The following CHD7 variants were observed in gnomAD, a reference collection of about 807,000 sequenced individuals.
CHD7 encodes the protein chromodomain helicase DNA binding protein 7.
Under a neutral mutation model 307.3 loss-of-function variants are expected in CHD7, and 24 were observed. That is an observed-to-expected ratio of 0.08 (90% CI 0.06 to 0.11). The LOEUF is 0.11. CHD7 is among the 10% of genes least tolerant of loss of function. CHD7 has a pLI of 1.00. For synonymous variants in CHD7, 1,363 were observed against 1,349.9 expected, an observed-to-expected ratio of 1.01 and a Z score of -0.21; for missense variants, 3,106 against 3,727.1, an observed-to-expected ratio of 0.83 and a Z score of 4.34.
chr8:60,765,913 G>C (rs1460456754), intron 2 of CHD7, among the ~76,000 whole-genome samples: 1 of 152,234 alleles, frequency 6.6e-6, no homozygotes. Flanking sequence ...ACTTAAGGGA[G>C]AACATAGAGG....
chr8:60,752,379 A>G (rs900303713), intron 2 of CHD7, among the ~76,000 whole-genome samples: 35 of 152,200 alleles, frequency 2.3e-4, no homozygotes, highest in Admixed American at 2.2e-3. Flanking sequence ...TAATCTATTC[A>G]TAGACTGGCT....
chr8:60,801,661 A>G, intron 6 of CHD7, 68 bp downstream of exon 6: 3 of 1,013,038 alleles, frequency 3.0e-6, no homozygotes, highest in South Asian at 1.6e-5. Flanking sequence ...TTGGCTTTGT[A>G]ATTTTCTTTT....
chr8:60,747,861 C>T (rs1019837652), intron 2 of CHD7, among the ~76,000 whole-genome samples: 9 of 152,292 alleles, frequency 5.9e-5, no homozygotes, highest in African/African-American at 1.9e-4. Flanking sequence ...CATATGCCTT[C>T]CTGGTTAGAG....
At chr8:60,800,733 G>A (rs1167280212) in intron 5 of CHD7, among the ~76,000 whole-genome samples, 1 of 152,202 alleles carries the variant, frequency 6.6e-6, no homozygotes, top group Non-Finnish European at 1.5e-5. Context: ...ATATAAGACT[G>A]TGATATGTAA....
chr8:60,848,915 TC>T, intron 24 of CHD7, 135 bp from the exon 25 acceptor site: 1 of 738,644 alleles, frequency 1.4e-6, no homozygotes, highest in Non-Finnish European at 2.4e-6. Flanking sequence ...TCATGCCCTT[TC>T]TTTTAACCTT....
chr8:60,856,675 T>C lies in CHD7; in HGVS notation c.7395T>C (p.Phe2465=). 6.2e-7 allele frequency: 1 copy of C among 1,614,062 alleles called. No individual in the cohort carries two copies. The highest frequency in any genetic ancestry group is 1.1e-5 in the South Asian group (1 of 91,092). Residue 2465 remains phenylalanine (F), a synonymous_variant, in exon 34 of 38, where the codon TTT becomes TTC. Transcript: ENST00000423902. ...TSNFSSLSSK[F]ILPNVSTPVS... is the part of the protein sequence containing the mutation. ...ATTTTTCATCTCTTTCTTCAAAGTTTATCTTGCCTAATGTCTCAACACCAG... is the reference window on the plus strand; with the variant it reads ...ATTTTTCATCTCTTTCTTCAAAGTTCATCTTGCCTAATGTCTCAACACCAG...
At chr8:60,694,804 G>A (rs182659252) in intron 1 of CHD7, among the ~76,000 whole-genome samples, 1 of 152,338 alleles carries the variant, frequency 6.6e-6, no homozygotes, top group African/African-American at 2.4e-5. Context: ...CTGAGGGAGA[G>A]GGGCAGCAGG....
chr8:60,775,422 C>A (rs917413537), intron 2 of CHD7, among the ~76,000 whole-genome samples: 1 of 50,492 alleles, frequency 2.0e-5, no homozygotes, highest in Non-Finnish European at 8.8e-5. Flanking sequence ...TGAGCTGTTT[C>A]AGTGCATTTT....
intron 2 of CHD7, among the ~76,000 whole-genome samples, chr8:60,778,096 G>T (rs1053871744): frequency 6.7e-6 from 1 of 150,172 alleles, no homozygotes; most frequent in African/African-American, 2.4e-5. Context: ...CTGGTGGGGT[G>T]GGGGGTGGAG....
chr8:60,767,696 C>G (rs1242048768), intron 2 of CHD7, among the ~76,000 whole-genome samples: 1 of 152,204 alleles, frequency 6.6e-6, no homozygotes, highest in Non-Finnish European at 1.5e-5. Flanking sequence ...TGCGGGACTC[C>G]TCACGGTGCT....
At chr8:60,855,821 C>T (rs950679383) in intron 32 of CHD7, among the ~76,000 whole-genome samples, 154 bp from the exon 33 acceptor site, 15 of 152,212 alleles carry the variant, frequency 9.9e-5, no homozygotes, top group African/African-American at 3.6e-4. Context: ...TATTTACTTT[C>T]TTGTTTGATT....
At chr8:60,740,522 T>C (rs1808940893) in intron 1 of CHD7, among the ~76,000 whole-genome samples, 1 of 152,192 alleles carries the variant, frequency 6.6e-6, no homozygotes, top group Admixed American at 6.6e-5. Flanking sequence ...ATGAGTGAAA[T>C]TGGTCGTCTT....
intron 7 of CHD7, among the ~76,000 whole-genome samples, chr8:60,812,106 T>C (rs973545649): frequency 1.3e-5 from 2 of 152,230 alleles, no homozygotes; most frequent in Non-Finnish European, 2.9e-5. Context: ...GTCTTTTGAC[T>C]TCATGGTGTT....
intron 4 of CHD7, among the ~76,000 whole-genome samples, chr8:60,797,382 C>CA (rs1409824557): frequency 1.3e-5 from 2 of 152,188 alleles, no homozygotes; most frequent in Non-Finnish European, 2.9e-5. Context: ...ATTTATATCA[C>CA]AAAGTTGATA....
At position 60,841,746 on chromosome 8, in the gene CHD7, A is replaced by C. The variant is rs1804984204; in HGVS notation, c.4636A>C (p.Asn1546His). Reference sequence around the variant, plus strand: ...GGCTGAATTGGATATTGATGCCTTAAATGGGAGGGTGAGTAAGAAGTCCCA... The same window carrying C: ...GGCTGAATTGGATATTGATGCCTTACATGGGAGGGTGAGTAAGAAGTCCCA... ...KKAELDIDAL[N>H]GRNNLVIDTP... The change falls in exon 20 of 38, where the codon AAT (asparagine) becomes CAT (histidine). Residue 1546 changes from asparagine to histidine, a missense_variant. Coordinates refer to ENST00000423902, the MANE Select transcript of CHD7 (RefSeq NM_017780.4). The C allele has an allele frequency of 6.2e-7, 1 of 1,605,802 alleles. No homozygotes were observed. The highest frequency in any genetic ancestry group is 1.1e-5 in the South Asian group (1 of 90,966).
chr8:60,846,478 A>C (rs1490950695), intron 23 of CHD7, among the ~76,000 whole-genome samples: 1 of 152,198 alleles, frequency 6.6e-6, no homozygotes, highest in African/African-American at 2.4e-5. Context: ...TATTCTGAAT[A>C]TGCATTTTTC....
chr8:60,796,845 A>T (rs562517284), intron 4 of CHD7, among the ~76,000 whole-genome samples: 3 of 152,338 alleles, frequency 2.0e-5, no homozygotes, highest in Non-Finnish European at 4.4e-5. Flanking sequence ...TAACACATGC[A>T]TGAAGGGCTT....
At chr8:60,820,646 G>C (rs1803983477) in intron 9 of CHD7, among the ~76,000 whole-genome samples, 1 of 152,168 alleles carries the variant, frequency 6.6e-6, no homozygotes, top group Non-Finnish European at 1.5e-5. Context: ...AGTGACTTCT[G>C]AGTATTGTGT....
intron 1 of CHD7, among the ~76,000 whole-genome samples, chr8:60,732,837 T>G (rs2090563347): frequency 6.6e-6 from 1 of 152,210 alleles, no homozygotes; most frequent in African/African-American, 2.4e-5. Context: ...ATTTTTTTCC[T>G]ATCCAAAATA....
Sources: gnomAD v4.1 joint callset for allele counts (sites outside exome capture counted in the v4.1 genomes callset) on GRCh38, gnomAD v4.1.1 for gene constraint, MANE v1.5 for transcripts, NCBI Gene and HGNC (gene_info 2026-07-23, HGNC 2026-07-21) for gene names.